Variants in OSBP2 observed in about 807,000 individuals in gnomAD.
The protein encoded by OSBP2 is oxysterol-binding protein 2.
Under a neutral mutation model 96.0 loss-of-function variants are expected in OSBP2, and 66 were observed. The observed-to-expected ratio is 0.69, with a 90% CI of 0.56 to 0.84. OSBP2 has a LOEUF of 0.84. Ranked by LOEUF, OSBP2 falls within the 40% of genes least tolerant of loss-of-function variation. The pLI, the probability that OSBP2 is intolerant of heterozygous loss-of-function variation, is 0.00. For missense variants in OSBP2, 1,038 were observed against 1,222.7 expected, an observed-to-expected ratio of 0.85 and a Z score of 2.25; for synonymous variants, 525 against 520.9, an observed-to-expected ratio of 1.01 and a Z score of -0.11.
At chr22:30,778,457 C>T (rs2090468562) in intron 2 of OSBP2, among the ~76,000 whole-genome samples, 1 of 152,078 alleles carries the variant, frequency 6.6e-6, no homozygotes, top group Non-Finnish European at 1.5e-5. Context: ...TGTGGAGAGC[C>T]TGGCCCCAGT....
chr22:30,876,852 C>T (rs758471616), intron 3 of OSBP2, among the ~76,000 whole-genome samples: 2 of 152,190 alleles, frequency 1.3e-5, no homozygotes, highest in African/African-American at 2.4e-5. Flanking sequence ...CCCATACCTT[C>T]CTGATTCCAG....
At chr22:30,861,809 C>T (rs1045706288) in intron 2 of OSBP2, among the ~76,000 whole-genome samples, 1 of 152,192 alleles carries the variant, frequency 6.6e-6, no homozygotes, top group Non-Finnish European at 1.5e-5. Flanking sequence ...GGGCGCTGCT[C>T]CTGCTCCCAG....
rs574763432 is a variant in OSBP2 at position 30,874,380 on chromosome 22, C to A, written c.1107+3698C>A. Among the ~76,000 whole-genome samples the A allele has an allele frequency of 2.6e-5, 4 of 152,166 alleles. No individual in the cohort carries two copies. In the South Asian group the frequency reaches 8.3e-4, roughly 32 times the overall value. On this transcript the variant is annotated intron_variant, in intron 3 of 13. Transcript: ENST00000332585. ...TGAGCCAAGATCACGCCACTGCACT[C>A]CAGCCTGGCAACAGAGTGAGACTCT...
At chr22:30,768,502 C>A (rs1368224838) in intron 2 of OSBP2, among the ~76,000 whole-genome samples, 1 of 152,010 alleles carries the variant, frequency 6.6e-6, no homozygotes, top group East Asian at 1.9e-4. Flanking sequence ...CATGGCGAAA[C>A]CCCGTCTCTA....
chr22:30,709,699 A>T lies in OSBP2; in HGVS notation c.644+14146A>T, dbSNP rs538756246. On this transcript the variant is annotated intron_variant, in intron 1 of 13. Coordinates refer to ENST00000332585, the MANE Select transcript of OSBP2 (RefSeq NM_030758.4). ...CCTGGCCAAATTAGTCTAATTATTTAAAAAAAATTTTTTTTTTTTAAGACA... is the reference window on the plus strand; with the variant it reads ...CCTGGCCAAATTAGTCTAATTATTTTAAAAAAATTTTTTTTTTTTAAGACA... 3.1e-4 allele frequency among the ~76,000 whole-genome samples: 41 copies of T among 132,782 alleles called. No individual in the cohort carries two copies. In the East Asian group the frequency reaches 3.3e-3, roughly 11 times the overall value. The allele number at this position is 132,782 out of a possible 152,430, so 87.1% of individuals were successfully genotyped here.
intron 2 of OSBP2, among the ~76,000 whole-genome samples, chr22:30,779,465 T>C (rs1227285822): frequency 1.3e-5 from 2 of 152,108 alleles, no homozygotes; most frequent in Admixed American, 1.3e-4. Context: ...TAGTACAACA[T>C]ATATATAAAA....
chr22:30,741,213 GCGC>G lies in OSBP2; in HGVS notation c.698_700del (p.Ala233_His234delinsAsp), dbSNP rs1292584718. ...CCGTGGAACCATCAACCTGTCCACC[GCGC>G]ACATTGACACGGAGGACTCTTGTGG... On this transcript the variant is annotated inframe_deletion, in exon 2 of 14. Coordinates refer to ENST00000332585, the MANE Select transcript of OSBP2 (RefSeq NM_030758.4). The G allele has an allele frequency of 6.2e-7, 1 of 1,614,022 alleles. No individual in the cohort carries two copies. The highest frequency in any genetic ancestry group is 8.5e-7 in the Non-Finnish European group (1 of 1,180,046).
chr22:30,743,700 T>C (rs2089967766), intron 2 of OSBP2, among the ~76,000 whole-genome samples: 3 of 152,138 alleles, frequency 2.0e-5, no homozygotes, highest in African/African-American at 7.2e-5. Context: ...AATAAATAAA[T>C]GATAAATTGC....
rs1039669551 is a variant in OSBP2 at position 30,881,702 on chromosome 22, C to T, written c.1108-5724C>T. 12 of 1,303,990 alleles carry T rather than the reference C, an allele frequency of 9.2e-6. No homozygotes were observed. The Admixed American group carries it at 2.1e-4, about 22-fold the overall frequency. The allele number at this position is 1,303,990 out of a possible 1,614,324, so 80.8% of individuals were successfully genotyped here. ...GCTCAGCATTCTGAGAACAGCAGGG[C>T]CACGCCAGGCGCCTGCCTCTCCCCA... On this transcript the variant is annotated intron_variant, in intron 3 of 13. Coordinates refer to ENST00000332585, the MANE Select transcript of OSBP2 (RefSeq NM_030758.4). This position sits in a 1 kb window ranked among gnomAD's most constrained non-coding sequence, Gnocchi z 4.5.
intron 2 of OSBP2, among the ~76,000 whole-genome samples, chr22:30,779,392 T>A (rs2090483114): frequency 1.3e-5 from 2 of 152,062 alleles, no homozygotes; most frequent in African/African-American, 4.8e-5. Flanking sequence ...TCAGCCACCA[T>A]GCCTGGCCTT....
At chr22:30,771,338 G>A (rs1000747640) in intron 2 of OSBP2, among the ~76,000 whole-genome samples, 1 of 152,246 alleles carries the variant, frequency 6.6e-6, no homozygotes, top group South Asian at 2.1e-4. Context: ...GGAAGACAAG[G>A]CAAGTTGCTG....
chr22:30,702,629 T>C (rs1029747390), intron 1 of OSBP2, among the ~76,000 whole-genome samples: 1 of 151,858 alleles, frequency 6.6e-6, no homozygotes, highest in African/African-American at 2.4e-5. Flanking sequence ...ATAAATAAAA[T>C]AAATAAACAA....
intron 2 of OSBP2, among the ~76,000 whole-genome samples, chr22:30,865,812 C>G (rs2039325739): frequency 6.6e-6 from 1 of 152,080 alleles, no homozygotes. Context: ...GTGTAAGGAC[C>G]AGCACACTTA....
chr22:30,865,631 CAAAA>C (rs398040482), intron 2 of OSBP2, among the ~76,000 whole-genome samples: 12 of 59,888 alleles, frequency 2.0e-4, no homozygotes, highest in Non-Finnish European at 3.1e-4. Context: ...GACTCCATCT[CAAAA>C]AAAAAAAAAA....
chr22:30,695,318 C>G lies in OSBP2; in HGVS notation c.409C>G (p.Leu137Val). 1 of 1,613,542 alleles carries G rather than the reference C, an allele frequency of 6.2e-7. No homozygotes were observed. The highest frequency in any genetic ancestry group is 8.5e-7 in the Non-Finnish European group (1 of 1,180,036). Residue 137 changes from leucine to valine, a missense_variant, in exon 1 of 14, where the codon CTC (leucine) becomes GTC (valine). Physicochemically the swap from Leu to Val is conservative, Grantham distance 32 (BLOSUM62 1). Coordinates refer to ENST00000332585, the MANE Select transcript of OSBP2 (RefSeq NM_030758.4). ...LSRAVGSATF[L>V]RPESGSLPAL... ...CCGGGCGGTGGGGAGCGCGACCTTT[C>G]TCAGACCCGAGTCAGGATCGCTGCC... is the stretch of plus-strand genomic sequence containing the variant.
At chr22:30,880,018 C>T (rs1011554724) in intron 3 of OSBP2, among the ~76,000 whole-genome samples, 1 of 151,830 alleles carries the variant, frequency 6.6e-6, no homozygotes, top group Non-Finnish European at 1.5e-5. Flanking sequence ...CACCACTGCA[C>T]TCCAGCCTGG....
intron 2 of OSBP2, among the ~76,000 whole-genome samples, chr22:30,863,595 G>A (rs911023342): frequency 1.3e-5 from 2 of 152,168 alleles, no homozygotes; most frequent in Admixed American, 6.5e-5. Flanking sequence ...AGCAGTGACC[G>A]CTTGAGGACA....
intron 1 of OSBP2, among the ~76,000 whole-genome samples, chr22:30,724,753 C>G (rs985870490): frequency 1.3e-5 from 2 of 152,202 alleles, no homozygotes; most frequent in African/African-American, 4.8e-5. Flanking sequence ...AGGTCCGTGT[C>G]TCATGGAACT....
In OSBP2 at chr22:30,766,063, A is replaced by G. The variant is rs180686639; in HGVS notation, c.853+24694A>G. On this transcript the variant is annotated intron_variant, in intron 2 of 13. Coordinates refer to ENST00000332585, the MANE Select transcript of OSBP2 (RefSeq NM_030758.4). ...AGCCTGGGCAACATATCAAGACCCC[A>G]TCTTTCAAAAAAAGTAATAATAGTA... Among the ~76,000 whole-genome samples, 20 of 152,202 alleles carry G rather than the reference A, an allele frequency of 1.3e-4. No homozygotes were observed. In the East Asian group the frequency reaches 3.3e-3, roughly 25 times the overall value.
Sources: allele counts gnomAD v4.1 joint callset (sites outside exome capture counted in the v4.1 genomes callset), GRCh38; gene constraint gnomAD v4.1.1; non-coding constraint Gnocchi (gnomAD v3.1); transcripts MANE v1.5; gene names NCBI Gene and HGNC (gene_info 2026-07-23, HGNC 2026-07-21).